Variants in ART1 observed in about 807,000 individuals in gnomAD.
ART1 encodes ADP-ribosyltransferase 1.
ART1 carries 29 observed loss-of-function variants against 27.0 expected under a neutral mutation model. The ratio of observed to expected loss-of-function variants is 1.08; its 90% CI spans 0.80 to 1.47. The LOEUF (loss-of-function observed/expected upper bound fraction) is 1.47, where lower values mean the gene tolerates loss of function less well. Ranked by LOEUF, ART1 falls within the 40% of genes most tolerant of loss-of-function variation. The pLI is 0.00. For missense variants in ART1, 480 were observed against 423.0 expected (o/e 1.13, Z -1.18); for synonymous variants, 201 against 172.2 (o/e 1.17, Z -1.31).
chr11:3,661,093 G>C (rs961311877), intron 3 of ART1, among the ~76,000 whole-genome samples: 1 of 152,242 alleles, frequency 6.6e-6, no homozygotes, highest in Non-Finnish European at 1.5e-5. Context: ...GCATGGAAGA[G>C]GGAGAGGTGA....
intron 1 of ART1, among the ~76,000 whole-genome samples, chr11:3,654,892 T>A (rs1388083136): frequency 6.6e-6 from 1 of 152,082 alleles, no homozygotes; most frequent in Admixed American, 6.6e-5. Flanking sequence ...AAGCCTCTGA[T>A]GTATCTTGTT....
chr11:3,657,929 G>T (rs952151238), intron 1 of ART1, among the ~76,000 whole-genome samples: 1 of 152,152 alleles, frequency 6.6e-6, no homozygotes, highest in Non-Finnish European at 1.5e-5. Context: ...GCCATTATGT[G>T]AGCAGGGAGA....
chr11:3,663,605 T>G (rs545806397), intron 4 of ART1, among the ~76,000 whole-genome samples: 1 of 152,324 alleles, frequency 6.6e-6, no homozygotes, highest in East Asian at 1.9e-4. Context: ...AAAATTTTTT[T>G]TTGAGACGTG....
chr11:3,664,364 G>A lies in ART1; in HGVS notation c.*175G>A. 3.2e-6 allele frequency: 2 copies of A among 629,656 alleles called. No individual in the cohort carries two copies. Among genetic ancestry groups the A allele is most frequent in the Non-Finnish European group, 5.6e-6 (2 of 360,078 alleles). 39.0% of individuals were successfully genotyped at this position (629,656 alleles called of 1,614,324 possible). On this transcript the variant is annotated 3_prime_UTR_variant, in exon 5 of 5. Transcript: ENST00000250693. ...AGAAACAGGAGACAATCTGGGGACT[G>A]AACCTTACCCAGGGCTGTAGGAGTG...
intron 4 of ART1, among the ~76,000 whole-genome samples, chr11:3,662,413 C>G (rs1257059237): frequency 6.6e-6 from 1 of 152,218 alleles, no homozygotes. Context: ...CTTTGTCCTT[C>G]AGAACTCTGT....
chr11:3,655,040 G>A (rs920135461), intron 1 of ART1, among the ~76,000 whole-genome samples: 3 of 152,198 alleles, frequency 2.0e-5, no homozygotes, highest in Non-Finnish European at 2.9e-5. Context: ...TTACTCCCAG[G>A]CTCATGGTCT....
chr11:3,650,878 C>A (rs1272911001), intron 1 of ART1, among the ~76,000 whole-genome samples: 1 of 137,880 alleles, frequency 7.3e-6, no homozygotes, highest in Admixed American at 8.4e-5. Context: ...ATCATGCACC[C>A]CTTACCATCC....
chr11:3,653,020 T>C (rs2077537879), intron 1 of ART1, among the ~76,000 whole-genome samples: 2 of 148,018 alleles, frequency 1.4e-5, no homozygotes, highest in South Asian at 2.2e-4. Context: ...CAAATGTTTC[T>C]TCTAACAACC....
intron 4 of ART1, 97 bp from the exon 5 acceptor site, chr11:3,663,994 AC>A: frequency 9.0e-7 from 1 of 1,106,852 alleles, no homozygotes; most frequent in South Asian, 1.4e-5. Context: ...CAATCTCTCC[AC>A]CTTGTATCTG....
rs573122124 is a variant in ART1, at chr11:3,651,216, A to G, written c.-53+6037A>G. On this transcript the variant is annotated intron_variant, in intron 1 of 4. Transcript: ENST00000250693. The stretch of plus-strand genomic sequence containing the variant: ...CATGCTTTCTTTACTATTCCTTTTC[A>G]CCCTTCATCCCAGCCTCTCTTTGCT... Among the ~76,000 whole-genome samples the G allele has an allele frequency of 6.4e-5, 9 of 140,702 alleles. No homozygotes were observed. In the East Asian group the frequency reaches 1.9e-3, roughly 29 times the overall value. 92.3% of individuals were successfully genotyped at this position (140,702 alleles called of 152,430 possible). A position where few individuals can be genotyped will look rare whatever the true frequency, so the allele number is the denominator to read the frequency against.
intron 1 of ART1, among the ~76,000 whole-genome samples, chr11:3,655,140 G>A (rs748608271): frequency 6.6e-6 from 1 of 152,206 alleles, no homozygotes; most frequent in Non-Finnish European, 1.5e-5. Context: ...GGTCTTCCTT[G>A]CTCTGGGCTG....
chr11:3,659,965 T>G lies in ART1; in HGVS notation c.446T>G (p.Phe149Cys). Residue 149 changes from phenylalanine (F) to cysteine (C), a missense_variant, in exon 3 of 5, where the codon TTC becomes TGC. By Grantham distance (205) the Phe-to-Cys change is radical. Transcript: ENST00000250693. ...TCCCGGGCCCACTACCTCCACCACT[T>G]CTCCTTCAAGACACTCCATTTCCTG... ...GRSRAHYLHH[F>C]SFKTLHFLLT... The G allele has an allele frequency of 6.2e-7, 1 of 1,613,964 alleles. No homozygotes were observed. Among genetic ancestry groups the G allele is most frequent in the Non-Finnish European group, 8.5e-7 (1 of 1,179,946 alleles).
chr11:3,662,515 A>G (rs1423182858), intron 4 of ART1, among the ~76,000 whole-genome samples: 1 of 151,998 alleles, frequency 6.6e-6, no homozygotes, highest in Non-Finnish European at 1.5e-5. Context: ...TACTGTCATC[A>G]CCTCTGTTCT....
intron 1 of ART1, among the ~76,000 whole-genome samples, chr11:3,655,241 A>T (rs2077563055): frequency 6.6e-6 from 1 of 152,176 alleles, no homozygotes; most frequent in Admixed American, 6.5e-5. Context: ...CTTCCCCCAA[A>T]AGCAGACCCA....
chr11:3,659,422 T>C, intron 2 of ART1, 146 bp downstream of exon 2: 5 of 1,384,862 alleles, frequency 3.6e-6, no homozygotes, highest in Middle Eastern at 2.2e-4. Flanking sequence ...CTCCAGATGC[T>C]AGTCTTGGGG....
intron 1 of ART1, among the ~76,000 whole-genome samples, chr11:3,647,004 C>G (rs72844335): frequency 0.033 from 5,004 of 151,998 alleles, 110 homozygotes; most frequent in Non-Finnish European, 0.049. Flanking sequence ...ACATGAAAAC[C>G]AAAAACAAAA....
chr11:3,650,986 G>C (rs905345748), intron 1 of ART1, among the ~76,000 whole-genome samples: 1 of 151,954 alleles, frequency 6.6e-6, no homozygotes, highest in Non-Finnish European at 1.5e-5. Flanking sequence ...GCCTGTTACA[G>C]CATGGCCTTT....
At chr11:3,661,922 G>A (rs941011769) in intron 4 of ART1, among the ~76,000 whole-genome samples, 4 of 152,214 alleles carry the variant, frequency 2.6e-5, no homozygotes, top group Admixed American at 2.6e-4. Context: ...AGATGGTTGA[G>A]GGAGCAGGGA....
chr11:3,659,921 C>A lies in ART1; in HGVS notation c.402C>A (p.Ala134=). ...NSPLHKEFNA[A]VREAGRSRAH... is the part of the protein sequence containing the mutation. ...CCCTGCACAAGGAGTTCAATGCAGC[C>A]GTGCGTGAGGCGGGCCGCTCCCGGG... The change falls in exon 3 of 5, where the codon GCC becomes GCA. Residue 134 remains alanine, a synonymous_variant. Transcript: ENST00000250693. The A allele has an allele frequency of 4.3e-6, 7 of 1,613,124 alleles. No individual in the cohort carries two copies. Among genetic ancestry groups the A allele is most frequent in the Non-Finnish European group, 5.9e-6 (7 of 1,179,594 alleles).
Sources: allele counts gnomAD v4.1 joint callset (sites outside exome capture counted in the v4.1 genomes callset), GRCh38; gene constraint gnomAD v4.1.1; transcripts MANE v1.5; gene names NCBI Gene and HGNC (gene_info 2026-07-23, HGNC 2026-07-21).